Variants in FOXP1 observed in about 807,000 individuals in gnomAD.
FOXP1 encodes forkhead box P1.
A neutral mutation model predicts 98.2 loss-of-function variants in FOXP1; 15 were observed. The ratio of observed to expected loss-of-function variants is 0.15; its 90% confidence interval spans 0.10 to 0.24. FOXP1 has a LOEUF of 0.24. FOXP1 is among the 10% of genes least tolerant of loss of function. The pLI is 1.00. For synonymous variants in FOXP1, 371 were observed against 314.5 expected (o/e 1.18, Z -1.90); for missense variants, 633 against 848.5 (o/e 0.75, Z 3.15).
chr3:71,247,943 A>G (rs764528542), intron 5 of FOXP1, among the ~76,000 whole-genome samples: 7 of 152,334 alleles, frequency 4.6e-5, no homozygotes, highest in Middle Eastern at 6.8e-3. Context: ...CTGGCTTGCT[A>G]AACTTTTAAA....
intron 2 of FOXP1, chr3:71,570,312 G>A (rs574208392): frequency 8.6e-5 from 13 of 150,574 alleles, no homozygotes; most frequent in South Asian, 2.1e-4. Context: ...GATAATGGTC[G>A]TAGATATCTT....
chr3:71,316,554 C>T (rs557344005), intron 4 of FOXP1, among the ~76,000 whole-genome samples: 2 of 152,156 alleles, frequency 1.3e-5, no homozygotes. Context: ...AACAGTGGAT[C>T]CACCACAGAG....
intron 4 of FOXP1, among the ~76,000 whole-genome samples, chr3:71,342,707 G>C (rs146827862): frequency 6.7e-6 from 1 of 148,434 alleles, no homozygotes; most frequent in Non-Finnish European, 1.5e-5. Flanking sequence ...AAAGCAAACA[G>C]ACCTTGATCC....
At chr3:71,201,591 G>C (rs1480484406) in intron 5 of FOXP1, among the ~76,000 whole-genome samples, 2 of 151,972 alleles carry the variant, frequency 1.3e-5, no homozygotes, top group East Asian at 3.9e-4. Context: ...AGGTTGCAGT[G>C]AGCAGACAGC....
chr3:71,534,398 C>G (rs75755719), intron 2 of FOXP1, among the ~76,000 whole-genome samples: 263 of 152,116 alleles, frequency 1.7e-3, no homozygotes, highest in African/African-American at 6.1e-3. Context: ...TAAGGCTCTC[C>G]CTATACACTG....
At chr3:70,989,403 G>A (rs1483382769) in intron 13 of FOXP1, among the ~76,000 whole-genome samples, 1 of 151,990 alleles carries the variant, frequency 6.6e-6, no homozygotes, top group Non-Finnish European at 1.5e-5. Context: ...TCAACAAACA[G>A]GAAATGAAAA....
chr3:71,057,794 T>G (rs2050890786), intron 7 of FOXP1, among the ~76,000 whole-genome samples: 1 of 152,140 alleles, frequency 6.6e-6, no homozygotes, highest in Non-Finnish European at 1.5e-5. Flanking sequence ...CGATCCCAGG[T>G]GCACCCAAAC....
intron 3 of FOXP1, among the ~76,000 whole-genome samples, chr3:71,416,697 G>A (rs544853537): frequency 6.6e-6 from 1 of 152,142 alleles, no homozygotes; most frequent in East Asian, 1.9e-4. Context: ...AATGGGTGAA[G>A]AGTGAAGAGG....
At chr3:70,961,326 G>A (rs1041343344) in intron 20 of FOXP1, among the ~76,000 whole-genome samples, 1 of 151,990 alleles carries the variant, frequency 6.6e-6, no homozygotes, top group African/African-American at 2.4e-5. Context: ...CAACCCCCAG[G>A]CTCAAGTAAT....
intron 7 of FOXP1, among the ~76,000 whole-genome samples, chr3:71,062,641 A>C (rs1394467835): frequency 6.6e-6 from 1 of 152,188 alleles, no homozygotes; most frequent in African/African-American, 2.4e-5. Flanking sequence ...CACAACACAA[A>C]CAGAAAGCCT....
intron 3 of FOXP1, among the ~76,000 whole-genome samples, chr3:71,365,751 A>G (rs998269775): frequency 4.6e-5 from 7 of 152,190 alleles, no homozygotes; most frequent in African/African-American, 1.7e-4. Context: ...TTGGGAGGCC[A>G]AGCCCGGCAG....
intron 7 of FOXP1, among the ~76,000 whole-genome samples, chr3:71,103,948 T>C (rs1410847943): frequency 6.6e-6 from 1 of 151,848 alleles, no homozygotes; most frequent in African/African-American, 2.4e-5. Context: ...CAACTTAAGA[T>C]GTTCCCCCCC....
intron 5 of FOXP1, among the ~76,000 whole-genome samples, chr3:71,243,496 A>G (rs1275456530): frequency 6.6e-6 from 1 of 152,156 alleles, no homozygotes; most frequent in Non-Finnish European, 1.5e-5. Context: ...TTGCATTTGG[A>G]CAGGGATGTA....
chr3:71,523,411 A>C (rs903584937), intron 2 of FOXP1, among the ~76,000 whole-genome samples: 1 of 152,210 alleles, frequency 6.6e-6, no homozygotes, highest in African/African-American at 2.4e-5. Flanking sequence ...AAGTTGTAAT[A>C]AACAGTAACC....
At chr3:71,390,442 C>T (rs1179809743) in intron 3 of FOXP1, among the ~76,000 whole-genome samples, 1 of 152,138 alleles carries the variant, frequency 6.6e-6, no homozygotes, top group Non-Finnish European at 1.5e-5. Context: ...GAAGTGTTCA[C>T]TGCAACTTTG....
chr3:71,330,088 C>T (rs1427748062), intron 4 of FOXP1, among the ~76,000 whole-genome samples: 1 of 152,166 alleles, frequency 6.6e-6, no homozygotes, highest in African/African-American at 2.4e-5. Context: ...TGAACTTATA[C>T]ATGTAATAAC....
chr3:71,338,068 C>T (rs1017867533), intron 4 of FOXP1, among the ~76,000 whole-genome samples: 1 of 151,928 alleles, frequency 6.6e-6, no homozygotes, highest in Non-Finnish European at 1.5e-5. Flanking sequence ...AAGAGGTGTA[C>T]GAAAGGAAAA....
At chr3:71,306,817 G>C (rs190047011) in intron 4 of FOXP1, among the ~76,000 whole-genome samples, 1 of 152,076 alleles carries the variant, frequency 6.6e-6, no homozygotes, top group Non-Finnish European at 1.5e-5. Context: ...TTAACTGAGT[G>C]GCCTCAACCA....
chr3:71,105,216 T>C (rs1330724862), intron 7 of FOXP1, among the ~76,000 whole-genome samples: 3 of 152,142 alleles, frequency 2.0e-5, no homozygotes, highest in Non-Finnish European at 4.4e-5. Flanking sequence ...TTTCTTTTTT[T>C]TTCCCCCTCT....
Sources: allele counts gnomAD v4.1 joint callset (sites outside exome capture counted in the v4.1 genomes callset), GRCh38; gene constraint gnomAD v4.1.1; transcripts MANE v1.5; gene names NCBI Gene and HGNC (gene_info 2026-07-23, HGNC 2026-07-21).